Variants in CCDC3 observed in about 807,000 individuals in gnomAD.
CCDC3 encodes coiled-coil domain-containing protein 3.
CCDC3 carries 24 observed loss-of-function variants against 21.4 expected under a neutral mutation model. That is an observed-to-expected ratio of 1.12 (90% CI 0.81 to 1.58). The LOEUF (loss-of-function observed/expected upper bound fraction) is 1.58, where lower values mean the gene tolerates loss of function less well. Among genes scored for constraint, CCDC3 ranks in the 40% most tolerant of loss-of-function variants. The pLI is 0.00. For synonymous variants in CCDC3, 186 were observed against 166.0 expected (o/e 1.12, Z -0.93); for missense variants, 425 against 360.9 (o/e 1.18, Z -1.44).
intron 2 of CCDC3, among the ~76,000 whole-genome samples, chr10:12,942,852 A>G (rs115879428): frequency 6.6e-6 from 1 of 152,074 alleles, no homozygotes; most frequent in Non-Finnish European, 1.5e-5. Flanking sequence ...TCTCTCGCCT[A>G]TTCAACCTTG....
chr10:13,007,839 T>C (rs1173822824), intron 5 of CCDC3, among the ~76,000 whole-genome samples: 3 of 152,200 alleles, frequency 2.0e-5, no homozygotes, highest in Non-Finnish European at 4.4e-5. Context: ...TCTCTATCTC[T>C]TCCTGAAAAA....
chr10:13,047,023 C>T (rs939549341), intron 5 of CCDC3, among the ~76,000 whole-genome samples: 2 of 151,590 alleles, frequency 1.3e-5, no homozygotes, highest in Non-Finnish European at 2.9e-5. Context: ...TGGGGCAATG[C>T]ACCCTAGTAA....
intron 2 of CCDC3, among the ~76,000 whole-genome samples, chr10:12,969,705 T>A (rs983675481): frequency 1.3e-5 from 2 of 149,062 alleles, no homozygotes; most frequent in Admixed American, 1.3e-4. Flanking sequence ...TTTTAAAAAA[T>A]ATTTTAATAA....
Position 12,925,586 on chromosome 10 carries a change from G to T in CCDC3, c.550-26907C>A, listed in dbSNP as rs191126656. ...AAATGCACAACTGCCTATCCCAAAG[G>T]TAAACCCTCTGTGTATCTTAAAATA... On this transcript the variant is annotated intron_variant, in intron 2 of 2. Transcript: ENST00000378825. Among the ~76,000 whole-genome samples, 16 of 152,288 alleles carry T rather than the reference G, an allele frequency of 1.1e-4. No individual in the cohort carries two copies. The East Asian group carries it at 3.1e-3, about 29-fold the overall frequency.
At chr10:13,038,063 A>G (rs551879038) in intron 5 of CCDC3, among the ~76,000 whole-genome samples, 1 of 152,316 alleles carries the variant, frequency 6.6e-6, no homozygotes, top group African/African-American at 2.4e-5. Flanking sequence ...ATTGCAGGGA[A>G]TGGATGGAGC....
At chr10:13,061,294 C>T (rs1034898716) in intron 4 of CCDC3, among the ~76,000 whole-genome samples, 3 of 152,136 alleles carry the variant, frequency 2.0e-5, no homozygotes, top group African/African-American at 4.8e-5. Context: ...AGTGGGCTTC[C>T]GGTGATGATC....
intron 2 of CCDC3, among the ~76,000 whole-genome samples, chr10:12,919,158 C>G (rs541814278): frequency 1.3e-5 from 2 of 152,228 alleles, no homozygotes; most frequent in Middle Eastern, 3.4e-3. Flanking sequence ...TTTTAAGGGT[C>G]TATGTATTAT....
rs1332596845 is a variant in CCDC3, at chr10:13,011,008, C to T, written c.-1-12496G>A. 3.3e-5 allele frequency among the ~76,000 whole-genome samples: 5 copies of T among 151,982 alleles called. No homozygotes were observed. In the South Asian group the frequency reaches 6.2e-4, roughly 19 times the overall value. ...CAGCCTGGCCAACATGGTGAAACCC[C>T]GTCTCTACTAAAAATACAAAAATTA... is the stretch of plus-strand genomic sequence containing the variant. On this transcript the variant is annotated intron_variant, in intron 5 of 6. Transcript: ENST00000378839.
At chr10:13,021,993 C>G (rs1589042681) in intron 5 of CCDC3, among the ~76,000 whole-genome samples, 1 of 152,082 alleles carries the variant, frequency 6.6e-6, no homozygotes, top group South Asian at 2.1e-4. Context: ...CTCCTGACCT[C>G]AGGTGATCTG....
chr10:12,940,237 T>G (rs1232937461), intron 2 of CCDC3, among the ~76,000 whole-genome samples: 268 of 147,284 alleles, frequency 1.8e-3, no homozygotes, highest in Non-Finnish European at 3.0e-3. Flanking sequence ...TTGTTTTTTT[T>G]TTTTTTTTTT....
intron 2 of CCDC3, among the ~76,000 whole-genome samples, chr10:12,961,578 G>A (rs540913492): frequency 5.3e-5 from 8 of 152,268 alleles, no homozygotes; most frequent in South Asian, 2.1e-4. Flanking sequence ...CTGGGACCAC[G>A]GCATGAAGCA....
At chr10:12,983,544 C>G (rs1835539091) in intron 2 of CCDC3, among the ~76,000 whole-genome samples, 1 of 150,336 alleles carries the variant, frequency 6.7e-6, no homozygotes, top group African/African-American at 2.4e-5. Flanking sequence ...GCACTCCCAC[C>G]TGGCTTATGT....
At position 13,036,664 on chromosome 10, in the gene CCDC3, T is replaced by C. The variant is rs527845044; in HGVS notation, c.-2+13010A>G. 1.3e-4 allele frequency among the ~76,000 whole-genome samples: 20 copies of C among 151,402 alleles called. No individual in the cohort carries two copies. In the South Asian group the frequency reaches 4.2e-3, roughly 32 times the overall value. On this transcript the variant is annotated intron_variant, in intron 5 of 6. Coordinates refer to the CCDC3 transcript ENST00000378839. The stretch of plus-strand genomic sequence containing the variant: ...CATGCCCAGCTAATTTTTGTATTTT[T>C]AGTAGAGATGGGGTTTCACCATGTT...
intron 2 of CCDC3, among the ~76,000 whole-genome samples, chr10:12,933,713 C>T (rs916185839): frequency 1.3e-5 from 2 of 152,282 alleles, no homozygotes; most frequent in African/African-American, 2.4e-5. Flanking sequence ...CCGACTCGGC[C>T]TCCCAAAGTC....
At chr10:13,087,806 C>A (rs1308750968) in intron 3 of CCDC3, among the ~76,000 whole-genome samples, 1 of 152,082 alleles carries the variant, frequency 6.6e-6, no homozygotes, top group African/African-American at 2.4e-5. Flanking sequence ...CTGCAATGGG[C>A]TGGAATGCTT....
At chr10:13,063,919 T>A (rs560716375) in intron 4 of CCDC3, among the ~76,000 whole-genome samples, 3 of 152,014 alleles carry the variant, frequency 2.0e-5, no homozygotes, top group Non-Finnish European at 4.4e-5. Flanking sequence ...GTCGTTTTTT[T>A]TTGTTGTTGT....
intron 2 of CCDC3, among the ~76,000 whole-genome samples, chr10:12,954,356 A>G (rs1474670598): frequency 6.6e-6 from 1 of 152,252 alleles, no homozygotes; most frequent in Non-Finnish European, 1.5e-5. Context: ...TTGATTTGGA[A>G]TGATCCTGAA....
At chr10:12,985,701 GA>G (rs1248343198) in intron 2 of CCDC3, among the ~76,000 whole-genome samples, 5 of 152,130 alleles carry the variant, frequency 3.3e-5, no homozygotes, top group African/African-American at 1.2e-4. Context: ...CATAACACCT[GA>G]AATAACATTA....
At chr10:12,975,929 A>C (rs1376644155) in intron 2 of CCDC3, among the ~76,000 whole-genome samples, 1 of 152,198 alleles carries the variant, frequency 6.6e-6, no homozygotes, top group Non-Finnish European at 1.5e-5. Context: ...CCCTGGCTCC[A>C]AGACACACTC....
Sources: gnomAD v4.1 joint callset for allele counts (sites outside exome capture counted in the v4.1 genomes callset) on GRCh38, gnomAD v4.1.1 for gene constraint, MANE v1.5 for transcripts, NCBI Gene and HGNC (gene_info 2026-07-23, HGNC 2026-07-21) for gene names.